The following CEP95 variants were observed in gnomAD, a reference collection of about 807,000 sequenced individuals.
CEP95 encodes the protein centrosomal protein 95.
In CEP95, 98 loss-of-function variants were observed where a neutral mutation model predicts 111.2. The observed-to-expected ratio is 0.88, with a 90% CI of 0.75 to 1.04. The LOEUF is 1.04. Ranked by LOEUF, CEP95 falls within the 50% of genes least tolerant of loss-of-function variation. The pLI, the probability that CEP95 is intolerant of heterozygous loss-of-function variation, is 0.00. For missense variants in CEP95, 1,027 were observed against 977.2 expected (o/e 1.05, Z -0.68); for synonymous variants, 323 against 327.1 (o/e 0.99, Z 0.14).
chr17:64,522,882 C>T lies in CEP95; in HGVS notation c.896C>T (p.Thr299Met), dbSNP rs374645585. The change falls in exon 8 of 20, where the codon ACG (threonine) becomes ATG (methionine). Residue 299 changes from threonine to methionine, a missense_variant. Thr to Met is a moderately conservative substitution (Grantham distance 81, BLOSUM62 -1). Coordinates refer to ENST00000556440, the MANE Select transcript of CEP95 (RefSeq NM_138363.3). ...SPAVNSTGEH[T>M]EFSGDLDDGL... is the part of the protein sequence containing the mutation. ...GCCGTAAATTCTACTGGAGAGCATACGGAATTTTCTGGGGTAAGTGGAAAA... is the reference window on the plus strand; with the variant it reads ...GCCGTAAATTCTACTGGAGAGCATATGGAATTTTCTGGGGTAAGTGGAAAA... 9.1e-5 allele frequency: 147 copies of T among 1,609,078 alleles called. No homozygotes were observed. The Middle Eastern group carries it at 1.3e-3, about 14-fold the overall frequency.
At chr17:64,511,894 C>T (rs903243539) in intron 3 of CEP95, among the ~76,000 whole-genome samples, 16 of 152,222 alleles carry the variant, frequency 1.1e-4, no homozygotes, top group Admixed American at 6.5e-4. Flanking sequence ...TGGCTTCAGC[C>T]GGTCCCTCTG....
At chr17:64,511,422 C>T (rs1482989891) in intron 3 of CEP95, among the ~76,000 whole-genome samples, 1 of 152,174 alleles carries the variant, frequency 6.6e-6, no homozygotes, top group African/African-American at 2.4e-5. Context: ...CAGGGATGTT[C>T]CTTGCTGAGA....
chr17:64,511,371 G>A (rs527495343), intron 3 of CEP95, among the ~76,000 whole-genome samples: 7 of 152,292 alleles, frequency 4.6e-5, no homozygotes, highest in Non-Finnish European at 1.0e-4. Flanking sequence ...ACGCCCGGGG[G>A]ACCGTCTGTA....
At chr17:64,536,265 A>G (rs1357891845) in intron 17 of CEP95, 2 of 165,608 alleles carry the variant, frequency 1.2e-5, no homozygotes, top group East Asian at 1.8e-4. Context: ...CCTGGGCAAC[A>G]TAGTGAGACG....
At chr17:64,513,969 AAAGG>A (rs1555675719) in intron 3 of CEP95, among the ~76,000 whole-genome samples, 1 of 152,210 alleles carries the variant, frequency 6.6e-6, no homozygotes, top group Non-Finnish European at 1.5e-5. Context: ...CTTCTCCAAA[AAAGG>A]AAGGAATATG....
At chr17:64,509,966 A>G (rs2038804392) in intron 2 of CEP95, among the ~76,000 whole-genome samples, 4 of 152,138 alleles carry the variant, frequency 2.6e-5, no homozygotes, top group African/African-American at 9.7e-5. Context: ...AATATTGATA[A>G]ATCGGTTCAA....
At chr17:64,508,077 C>T (rs985864785) in intron 1 of CEP95, 1 of 985,314 alleles carries the variant, frequency 1.0e-6, no homozygotes, top group Non-Finnish European at 1.2e-6. Context: ...GTTATTATAC[C>T]AGTTCTTAAC....
chr17:64,519,274 G>T (rs782425479), intron 5 of CEP95, 47 bp from the exon 6 acceptor site: 9 of 1,304,906 alleles, frequency 6.9e-6, no homozygotes, highest in Non-Finnish European at 1.0e-5. Flanking sequence ...CAGGGGAAGG[G>T]CCCTCTGGTC....
At chr17:64,526,380 A>C (rs747828881) in intron 10 of CEP95, among the ~76,000 whole-genome samples, 180 bp downstream of exon 10, 4 of 152,202 alleles carry the variant, frequency 2.6e-5, no homozygotes, top group Non-Finnish European at 5.9e-5. Flanking sequence ...TTCATGATCT[A>C]ACTAAATTTG....
intron 3 of CEP95, among the ~76,000 whole-genome samples, chr17:64,511,818 T>C (rs1410148392): frequency 1.3e-5 from 2 of 152,228 alleles, no homozygotes; most frequent in African/African-American, 2.4e-5. Context: ...TAAGAAGTTA[T>C]AAAAGTATTA....
chr17:64,526,307 A>T (rs1967814757), intron 10 of CEP95, 107 bp downstream of exon 10: 1 of 1,098,376 alleles, frequency 9.1e-7, no homozygotes, highest in Non-Finnish European at 1.3e-6. Context: ...GTGTCTTATT[A>T]ATAGTTACTG....
At position 64,525,769 on chromosome 17, in the gene CEP95, G is replaced by GGATCTA. The variant is rs1287360530; in HGVS notation, c.913_918dup (p.Leu305_Asp306dup). 1 of 1,587,492 alleles carries GGATCTA rather than the reference G, an allele frequency of 6.3e-7. No individual in the cohort carries two copies. The highest frequency in any genetic ancestry group is 8.6e-7 in the Non-Finnish European group (1 of 1,164,364). ...ATCAACTTTTTTTCTGTTTTTAATA[G>GGATCTA]GATCTAGATGATGGACTTTTCTTAA... On this transcript the variant is annotated inframe_insertion and splice_region_variant. Transcript: ENST00000556440.
chr17:64,522,700 A>G lies in CEP95; in HGVS notation c.716-2A>G. ...AATATCCACTTTAATTTGTCTTACT[A>G]GCGGAAACCCTTTCTGTGAGTGGGA... On this transcript the variant is annotated splice_acceptor_variant, in intron 7 of 19. Transcript: ENST00000556440. LOFTEE classifies it high-confidence loss of function. The G allele has an allele frequency of 6.2e-7, 1 of 1,610,418 alleles. No individual in the cohort carries two copies. The highest frequency in any genetic ancestry group is 8.5e-7 in the Non-Finnish European group (1 of 1,177,910).
rs1967769534 is a variant in CEP95 at position 64,525,816 on chromosome 17, G to A, written c.956G>A (p.Ser319Asn). The change falls in exon 9 of 20, where the codon AGC becomes AAC. Residue 319 changes from serine to asparagine, a missense_variant. By Grantham distance (46) the Ser-to-Asn change is conservative (BLOSUM62 1). Coordinates refer to ENST00000556440, the MANE Select transcript of CEP95 (RefSeq NM_138363.3). ...TTAATTTCCAAGTTGCCTAAAGGCA[G>A]CAAATGGGAAGTATATCCAGCTCAG... ...LFLISKLPKG[S>N]KWEVYPAQVQ... The A allele has an allele frequency of 6.2e-7, 1 of 1,606,166 alleles. No individual in the cohort carries two copies. Among genetic ancestry groups the A allele is most frequent in the Non-Finnish European group, 8.5e-7 (1 of 1,177,694 alleles).
upstream of CEP95, chr17:64,506,785 G>T (rs997496302): frequency 1.1e-5 from 6 of 534,528 alleles, no homozygotes; most frequent in Admixed American, 6.7e-5. Flanking sequence ...CCCGGGACCC[G>T]CCCGGGCTGC....
intron 1 of CEP95, 171 bp downstream of exon 1, chr17:64,507,287 C>A: frequency 1.4e-6 from 2 of 1,468,644 alleles, no homozygotes; most frequent in South Asian, 1.4e-5. Context: ...ACCACCTCTT[C>A]GCTTCGAGGC....
At chr17:64,519,951 G>A (rs1205035680) in intron 6 of CEP95, among the ~76,000 whole-genome samples, 2 of 152,124 alleles carry the variant, frequency 1.3e-5, no homozygotes, top group African/African-American at 2.4e-5. Flanking sequence ...CCTGTCCACC[G>A]TGGCTTCATA....
At chr17:64,524,129 G>A (rs1387279753) in intron 8 of CEP95, among the ~76,000 whole-genome samples, 1 of 152,106 alleles carries the variant, frequency 6.6e-6, no homozygotes, top group African/African-American at 2.4e-5. Context: ...GTTTACTTTT[G>A]GGGGAATCAT....
At chr17:64,526,581 G>C (rs1261779972) in intron 10 of CEP95, among the ~76,000 whole-genome samples, 1 of 152,180 alleles carries the variant, frequency 6.6e-6, no homozygotes, top group East Asian at 1.9e-4. Context: ...AGGTATCATT[G>C]AATGAATGTT....
Sources: gnomAD v4.1 joint callset for allele counts (sites outside exome capture counted in the v4.1 genomes callset) on GRCh38, gnomAD v4.1.1 for gene constraint, MANE v1.5 for transcripts, NCBI Gene and HGNC (gene_info 2026-07-23, HGNC 2026-07-21) for gene names.